Variants in IQCM observed in about 807,000 individuals in gnomAD.
The protein encoded by IQCM is IQ motif containing M.
A neutral mutation model predicts 57.6 loss-of-function variants in IQCM; 45 were observed. That is an observed-to-expected ratio of 0.78 (90% CI 0.62 to 1.00). The LOEUF is 1.00. IQCM is among the 50% of genes least tolerant of loss of function. The pLI, the probability that IQCM is intolerant of heterozygous loss-of-function variation, is 0.00. For missense variants in IQCM, 468 were observed against 511.6 expected (o/e 0.91, Z 0.82); for synonymous variants, 148 against 158.9 (o/e 0.93, Z 0.51).
At position 149,761,001 on chromosome 4, in the gene IQCM, G is replaced by A. The variant is rs191808691; in HGVS notation, c.-48-18262C>T. 2.0e-3 allele frequency among the ~76,000 whole-genome samples: 297 copies of A among 152,158 alleles called. 1 individual carries two copies. Among genetic ancestry groups the A allele is most frequent in the African/African-American group, 6.8e-3 (282 of 41,524 alleles). On this transcript the variant is annotated intron_variant, in intron 2 of 13. Transcript: ENST00000636793. ...ATGTCAAAGAAAATATCAGGTATTA[G>A]AGGACAGAGAATTTTGTAAAACAAA...
chr4:149,646,695 T>A (rs569810659), intron 7 of IQCM, among the ~76,000 whole-genome samples: 6 of 152,278 alleles, frequency 3.9e-5, no homozygotes, highest in African/African-American at 1.2e-4. Context: ...AATTAATAAC[T>A]TTTTTAGGCC....
intron 7 of IQCM, among the ~76,000 whole-genome samples, chr4:149,681,697 T>C (rs1261061956): frequency 3.3e-5 from 5 of 151,116 alleles, no homozygotes. Flanking sequence ...AAAAAATAGT[T>C]GCTTTGAATC....
intron 11 of IQCM, among the ~76,000 whole-genome samples, chr4:149,550,585 G>A (rs1045248174): frequency 3.9e-5 from 6 of 152,104 alleles, no homozygotes; most frequent in African/African-American, 7.2e-5. Context: ...TATGCCCTAT[G>A]AGCAAACTTT....
intron 13 of IQCM, among the ~76,000 whole-genome samples, chr4:149,419,810 C>A (rs1038386375): frequency 1.3e-5 from 2 of 152,002 alleles, no homozygotes; most frequent in African/African-American, 4.8e-5. Flanking sequence ...AAACAAAAAA[C>A]CCTATTAAAA....
intron 2 of IQCM, among the ~76,000 whole-genome samples, chr4:149,743,839 A>C (rs984246665): frequency 2.0e-5 from 3 of 152,182 alleles, no homozygotes; most frequent in Admixed American, 6.6e-5. Context: ...CTCTATATCC[A>C]AGGAGTCAGT....
intron 12 of IQCM, among the ~76,000 whole-genome samples, chr4:149,474,914 G>T (rs1035064463): frequency 1.3e-5 from 2 of 152,048 alleles, no homozygotes; most frequent in Non-Finnish European, 2.9e-5. Flanking sequence ...TGTGCTAGAA[G>T]TAGAGTGAGG....
At chr4:149,576,888 C>G (rs1197749631) in intron 9 of IQCM, among the ~76,000 whole-genome samples, 1 of 151,928 alleles carries the variant, frequency 6.6e-6, no homozygotes, top group Admixed American at 6.6e-5. Flanking sequence ...TCTCCACAAC[C>G]TCACTAGTAT....
At chr4:149,512,355 C>A in intron 12 of IQCM, among the ~76,000 whole-genome samples, 1 of 152,076 alleles carries the variant, frequency 6.6e-6, no homozygotes, top group East Asian at 1.9e-4. Flanking sequence ...TGATACCATG[C>A]CACAACCTGG....
chr4:149,510,799 G>C (rs1744326355), intron 12 of IQCM, among the ~76,000 whole-genome samples: 2 of 152,096 alleles, frequency 1.3e-5, no homozygotes, highest in Non-Finnish European at 2.9e-5. Flanking sequence ...TAGATATAGT[G>C]TCATAGAGTG....
At chr4:149,750,212 T>A (rs1768300794) in intron 2 of IQCM, among the ~76,000 whole-genome samples, 1 of 152,160 alleles carries the variant, frequency 6.6e-6, no homozygotes, top group South Asian at 2.1e-4. Flanking sequence ...AGTACTTTGA[T>A]ACAAAGTGAA....
intron 5 of IQCM, among the ~76,000 whole-genome samples, chr4:149,693,423 T>G (rs1294127718): frequency 6.6e-6 from 1 of 152,164 alleles, no homozygotes; most frequent in Non-Finnish European, 1.5e-5. Flanking sequence ...ATAACGACAC[T>G]ACTGTCCATC....
At chr4:149,486,322 G>T (rs1741508166) in intron 12 of IQCM, among the ~76,000 whole-genome samples, 1 of 151,996 alleles carries the variant, frequency 6.6e-6, no homozygotes, top group East Asian at 1.9e-4. Flanking sequence ...ACATTCTATT[G>T]TATTGTGGCT....
intron 13 of IQCM, among the ~76,000 whole-genome samples, chr4:149,420,636 CA>C (rs1168352727): frequency 6.6e-6 from 1 of 151,772 alleles, no homozygotes; most frequent in East Asian, 1.9e-4. Context: ...GAACTTAAAA[CA>C]AAAATTAAAA....
chr4:149,596,225 T>C (rs1041960130), intron 8 of IQCM, among the ~76,000 whole-genome samples: 15 of 152,140 alleles, frequency 9.9e-5, no homozygotes, highest in African/African-American at 3.4e-4. Context: ...TACAAGGGGA[T>C]TGCTGTTTCT....
chr4:149,809,384 G>A lies in IQCM; in HGVS notation c.-49+5927C>T, dbSNP rs541783646. Among the ~76,000 whole-genome samples, 61 of 152,086 alleles carry A rather than the reference G, an allele frequency of 4.0e-4. No homozygotes were observed. The South Asian group carries it at 0.01, about 25-fold the overall frequency. ...AATACTTCCCAAAAATGGCTATTCC[G>A]CTTATAGTCATTTTTTTGATAGTCA... is the stretch of plus-strand genomic sequence containing the variant. On this transcript the variant is annotated intron_variant, in intron 2 of 13. Coordinates refer to ENST00000636793, the MANE Select transcript of IQCM (RefSeq NM_001363507.2).
At chr4:149,477,392 C>G (rs1197949820) in intron 12 of IQCM, among the ~76,000 whole-genome samples, 4 of 151,974 alleles carry the variant, frequency 2.6e-5, no homozygotes, top group African/African-American at 7.2e-5. Context: ...GGTAAGGGAG[C>G]CTGTAAAGCA....
At chr4:149,568,599 C>A (rs1012406596) in intron 9 of IQCM, among the ~76,000 whole-genome samples, 3 of 151,992 alleles carry the variant, frequency 2.0e-5, no homozygotes, top group Non-Finnish European at 4.4e-5. Flanking sequence ...CCAGCCTGAG[C>A]CACAAGGTGA....
At chr4:149,621,291 A>T in intron 7 of IQCM, 47 bp from the exon 8 acceptor site, 1 of 839,976 alleles carries the variant, frequency 1.2e-6, no homozygotes. Flanking sequence ...ATCCAGGAAA[A>T]GTACACACTG....
At chr4:149,355,532 T>C (rs1426563074) in intron 13 of IQCM, among the ~76,000 whole-genome samples, 2 of 152,032 alleles carry the variant, frequency 1.3e-5, no homozygotes, top group Non-Finnish European at 2.9e-5. Flanking sequence ...CTGAGAATGA[T>C]GGTTTCCAGC....
Sources: allele counts gnomAD v4.1 joint callset (sites outside exome capture counted in the v4.1 genomes callset), GRCh38; gene constraint gnomAD v4.1.1; transcripts MANE v1.5; gene names NCBI Gene and HGNC (gene_info 2026-07-23, HGNC 2026-07-21).